Variants in ALG6 observed in about 807,000 individuals in gnomAD.
ALG6 encodes dolichyl pyrophosphate Man9GlcNAc2 alpha-1,3-glucosyltransferase.
Under a neutral mutation model 66.6 loss-of-function variants are expected in ALG6, and 46 were observed. The ratio of observed to expected loss-of-function variants is 0.69; its 90% CI spans 0.55 to 0.88. The LOEUF (loss-of-function observed/expected upper bound fraction) is 0.88, where lower values mean the gene tolerates loss of function less well. ALG6 is among the 40% of genes least tolerant of loss of function. The pLI is 0.00. For synonymous variants in ALG6, 185 were observed against 203.7 expected (o/e 0.91, Z 0.78); for missense variants, 505 against 586.8 (o/e 0.86, Z 1.44).
At chr1:63,420,866 A>G (rs1236043435) in intron 12 of ALG6, among the ~76,000 whole-genome samples, 1 of 151,934 alleles carries the variant, frequency 6.6e-6, no homozygotes, top group East Asian at 1.9e-4. Flanking sequence ...GTCTCAAAAA[A>G]AAAAAAAAAA....
At chr1:63,395,699 A>C (rs1190831969) in intron 2 of ALG6, among the ~76,000 whole-genome samples, 1 of 152,228 alleles carries the variant, frequency 6.6e-6, no homozygotes, top group Non-Finnish European at 1.5e-5. Flanking sequence ...TGTCTCAAAA[A>C]AAAGTCCTTT....
Position 63,430,530 on chromosome 1 carries a change from G to T in ALG6, c.1326+1404G>T, listed in dbSNP as rs137944698. Among the ~76,000 whole-genome samples the T allele has an allele frequency of 3.4e-3, 525 of 152,192 alleles. 2 individuals carry two copies. The highest frequency in any genetic ancestry group is 0.011 in the African/African-American group (465 of 41,494). ...TTCATTCTCACCAACAATGTGTGAG[G>T]GTTCTAATTTCTTCACATCTTTCAC... On this transcript the variant is annotated intron_variant, in intron 14 of 14. Coordinates refer to ENST00000263440, the MANE Select transcript of ALG6 (RefSeq NM_013339.4).
At chr1:63,384,422 T>C (rs1258065705) in intron 2 of ALG6, among the ~76,000 whole-genome samples, 5 of 152,146 alleles carry the variant, frequency 3.3e-5, no homozygotes, top group Non-Finnish European at 7.4e-5. Context: ...AGTTTGCGCA[T>C]ATTTTCTCCC....
chr1:63,401,946 A>C (rs531749856), intron 3 of ALG6, among the ~76,000 whole-genome samples: 1 of 147,034 alleles, frequency 6.8e-6, no homozygotes, highest in Non-Finnish European at 1.6e-5. Flanking sequence ...AGAGCCTTGC[A>C]CGTAACGAGG....
intron 11 of ALG6, among the ~76,000 whole-genome samples, chr1:63,418,359 A>G (rs1462539014): frequency 6.6e-6 from 1 of 150,554 alleles, no homozygotes; most frequent in African/African-American, 2.4e-5. Flanking sequence ...ATAGTATTTG[A>G]GCCAAGAAGT....
At chr1:63,422,405 AT>A (rs1472504697) in intron 12 of ALG6, among the ~76,000 whole-genome samples, 2 of 79,768 alleles carry the variant, frequency 2.5e-5, no homozygotes, top group African/African-American at 8.3e-5. Context: ...ATATATCTAT[AT>A]AAATATAAAT....
chr1:63,410,050 G>A lies in ALG6; in HGVS notation c.495-1096G>A, dbSNP rs145422277. Among the ~76,000 whole-genome samples the A allele has an allele frequency of 7.4e-3, 1,122 of 152,204 alleles. 10 individuals carry two copies. The highest frequency in any genetic ancestry group is 0.024 in the African/African-American group (1,011 of 41,514). On this transcript the variant is annotated intron_variant, in intron 7 of 14. Coordinates refer to ENST00000263440, the MANE Select transcript of ALG6 (RefSeq NM_013339.4). The stretch of plus-strand genomic sequence containing the variant: ...CTTCTGCACATACTACTCAAAGACT[G>A]TAACCTACTTGGTGTTTCCAAAGTT...
At position 63,373,657 on chromosome 1, in the gene ALG6, C is replaced by CTTTT. The variant is rs1557578257; in HGVS notation, c.82+2598_82+2599insTTTT. Among the ~76,000 whole-genome samples, 9 of 114,756 alleles carry CTTTT rather than the reference C, an allele frequency of 7.8e-5. 1 individual carries two copies. The highest frequency in any genetic ancestry group is 1.3e-4 in the Non-Finnish European group (7 of 55,374). 75.3% of individuals were successfully genotyped at this position (114,756 alleles called of 152,430 possible). On this transcript the variant is annotated intron_variant, in intron 2 of 14. Coordinates refer to ENST00000263440, the MANE Select transcript of ALG6 (RefSeq NM_013339.4). ...TTATTTTTCAATTTAATTTAATTTA[C>CTTTT]ATTTTTTTTTTTTTTTTTTTTGAGA...
rs1406884062 is a variant in ALG6, at chr1:63,438,099, G to A, written c.*1079G>A. 3 of 151,978 alleles carry A rather than the reference G, an allele frequency of 2.0e-5. No individual in the cohort carries two copies. Among genetic ancestry groups the A allele is most frequent in the Non-Finnish European group, 2.9e-5 (2 of 68,002 alleles). The allele number at this position is 151,978 out of a possible 1,614,324, so 9.4% of individuals were successfully genotyped here. A position where few individuals can be genotyped will look rare whatever the true frequency, so the allele number is the denominator to read the frequency against. ...AGCCATTAAACTATATTAAGTGGTGGTATATTTTAATATAGTGCAAATCAA... is the reference window on the plus strand; with the variant it reads ...AGCCATTAAACTATATTAAGTGGTGATATATTTTAATATAGTGCAAATCAA... On this transcript the variant is annotated 3_prime_UTR_variant, in exon 15 of 15. Coordinates refer to ENST00000263440, the MANE Select transcript of ALG6 (RefSeq NM_013339.4).
chr1:63,375,444 G>C (rs58326569), intron 2 of ALG6, among the ~76,000 whole-genome samples: 1 of 119,344 alleles, frequency 8.4e-6, no homozygotes, highest in African/African-American at 3.2e-5. Flanking sequence ...TTTTCCAGTA[G>C]AGACAGGATT....
chr1:63,390,037 A>G (rs1648621228), intron 2 of ALG6, among the ~76,000 whole-genome samples: 1 of 152,210 alleles, frequency 6.6e-6, no homozygotes, highest in South Asian at 2.1e-4. Context: ...ACCTGAAGCT[A>G]GCACAGCACT....
intron 5 of ALG6, 136 bp downstream of exon 5, chr1:63,404,677 T>TA: frequency 1.4e-6 from 1 of 738,376 alleles, no homozygotes; most frequent in South Asian, 1.6e-5. Context: ...CAAATATACA[T>TA]ATTTGTATAC....
At chr1:63,371,898 C>T (rs1647938693) in intron 2 of ALG6, among the ~76,000 whole-genome samples, 2 of 151,694 alleles carry the variant, frequency 1.3e-5, no homozygotes, top group African/African-American at 2.4e-5. Flanking sequence ...CCACCGCACC[C>T]AGCTAGAGGG....
intron 8 of ALG6, 130 bp downstream of exon 8, chr1:63,411,461 A>C: frequency 1.3e-6 from 1 of 792,798 alleles, no homozygotes; most frequent in Non-Finnish European, 2.0e-6. Flanking sequence ...GCTGTAGGGT[A>C]TGTGGGAAGA....
chr1:63,400,464 A>G (rs190603568), intron 3 of ALG6, among the ~76,000 whole-genome samples: 193 of 149,636 alleles, frequency 1.3e-3, no homozygotes, highest in Non-Finnish European at 2.1e-3. Flanking sequence ...CTTCTAAGCT[A>G]TCTTCTCTTA....
At chr1:63,422,911 C>T (rs1644595625) in intron 12 of ALG6, among the ~76,000 whole-genome samples, 1 of 151,852 alleles carries the variant, frequency 6.6e-6, no homozygotes, top group Admixed American at 6.6e-5. Context: ...GCCAAGATTG[C>T]ACCATTGCAT....
intron 2 of ALG6, among the ~76,000 whole-genome samples, chr1:63,394,843 G>A (rs952373919): frequency 2.0e-5 from 3 of 151,424 alleles, no homozygotes; most frequent in African/African-American, 7.3e-5. Context: ...CTATAAAGTG[G>A]GTATAATGAT....
chr1:63,382,851 T>C (rs1648372554), intron 2 of ALG6, among the ~76,000 whole-genome samples: 1 of 151,804 alleles, frequency 6.6e-6, no homozygotes, highest in Admixed American at 6.6e-5. Flanking sequence ...CATTTTTTTG[T>C]ATTTTTATTA....
Position 63,405,969 on chromosome 1 carries a change from T to C in ALG6, c.347-348T>C, listed in dbSNP as rs1012871. The stretch of plus-strand genomic sequence containing the variant: ...TTTCTTACACATCACTACATTTCAG[T>C]TATTCTTTATACTAGAAAATTCAGA... On this transcript the variant is annotated intron_variant, in intron 5 of 14. Transcript: ENST00000263440. Among the ~76,000 whole-genome samples the C allele has an allele frequency of 0.36, 54,530 of 151,848 alleles. 10,023 individuals carry two copies. Among genetic ancestry groups the C allele is most frequent in the East Asian group, 0.48 (2,506 of 5,178 alleles).
Sources: gnomAD v4.1 joint callset for allele counts (sites outside exome capture counted in the v4.1 genomes callset) on GRCh38, gnomAD v4.1.1 for gene constraint, MANE v1.5 for transcripts, NCBI Gene and HGNC (gene_info 2026-07-23, HGNC 2026-07-21) for gene names.